Variants in ESRRB observed in about 807,000 individuals in gnomAD.
ESRRB encodes steroid hormone receptor ERR2.
ESRRB carries 16 observed loss-of-function variants against 46.0 expected under a neutral mutation model. The ratio of observed to expected loss-of-function variants is 0.35; its 90% confidence interval spans 0.24 to 0.53. The LOEUF is 0.53. Ranked by LOEUF, ESRRB falls within the 20% of genes least tolerant of loss-of-function variation. The pLI is 0.93. For missense variants in ESRRB, 488 were observed against 607.4 expected, an observed-to-expected ratio of 0.80 and a Z score of 2.07; for synonymous variants, 246 against 259.6, an observed-to-expected ratio of 0.95 and a Z score of 0.50.
intron 1 of ESRRB, among the ~76,000 whole-genome samples, chr14:76,383,428 T>C (rs1453503872): frequency 6.6e-6 from 1 of 152,168 alleles, no homozygotes. Context: ...CCTTTTGATG[T>C]GTTCTTGGTT....
intron 1 of ESRRB, among the ~76,000 whole-genome samples, chr14:76,429,207 G>A (rs970180971): frequency 6.6e-6 from 1 of 152,092 alleles, no homozygotes; most frequent in Non-Finnish European, 1.5e-5. Flanking sequence ...ATCAGCCCCA[G>A]CCTCCCCCAA....
intron 1 of ESRRB, among the ~76,000 whole-genome samples, chr14:76,319,725 T>C (rs192645317): frequency 2.0e-5 from 3 of 152,288 alleles, no homozygotes; most frequent in African/African-American, 7.2e-5. Context: ...TACTCTTGAT[T>C]AGTAGAAACA....
chr14:76,490,802 G>C (rs980156473), intron 5 of ESRRB, among the ~76,000 whole-genome samples: 3 of 152,212 alleles, frequency 2.0e-5, no homozygotes, highest in Non-Finnish European at 2.9e-5. Context: ...GGCCCGGGAA[G>C]AGGGGCTCCG....
At chr14:76,325,242 C>T (rs1883915683) in intron 1 of ESRRB, among the ~76,000 whole-genome samples, 1 of 152,200 alleles carries the variant, frequency 6.6e-6, no homozygotes, top group Admixed American at 6.5e-5. Context: ...AGGCGTGAGC[C>T]ACTGCACCCA....
chr14:76,313,719 C>T (rs781211667), intron 1 of ESRRB, among the ~76,000 whole-genome samples: 1 of 152,104 alleles, frequency 6.6e-6, no homozygotes, highest in Non-Finnish European at 1.5e-5. Context: ...CAGCTTTTTC[C>T]CTATCACTTC....
intron 1 of ESRRB, among the ~76,000 whole-genome samples, chr14:76,326,424 T>A (rs1424534044): frequency 2.0e-5 from 3 of 152,098 alleles, no homozygotes; most frequent in Non-Finnish European, 2.9e-5. Context: ...CCCTGGCGAG[T>A]TAATCTGCCT....
intron 1 of ESRRB, among the ~76,000 whole-genome samples, chr14:76,416,508 C>T (rs1000019183): frequency 6.6e-6 from 1 of 151,756 alleles, no homozygotes; most frequent in African/African-American, 2.4e-5. Context: ...TCACTCTTGT[C>T]GCCCGGGCTA....
At chr14:76,444,395 C>T (rs1888046678) in intron 2 of ESRRB, among the ~76,000 whole-genome samples, 1 of 152,078 alleles carries the variant, frequency 6.6e-6, no homozygotes, top group Admixed American at 6.5e-5. Context: ...AAAGTACAGA[C>T]AGGAGAAAAA....
At chr14:76,477,603 C>G (rs2140022236) in intron 3 of ESRRB, among the ~76,000 whole-genome samples, 1 of 152,260 alleles carries the variant, frequency 6.6e-6, no homozygotes, top group Non-Finnish European at 1.5e-5. Context: ...GGCATGGGAC[C>G]TTCATTATCG....
chr14:76,434,838 A>G (rs1397833960), intron 1 of ESRRB, among the ~76,000 whole-genome samples: 2 of 152,146 alleles, frequency 1.3e-5, no homozygotes, highest in African/African-American at 4.8e-5. Context: ...GCTGTGAAGC[A>G]AGGAACGTGG....
Position 76,482,488 on chromosome 14 carries a change from C to G in ESRRB, c.689-110C>G, listed in dbSNP as rs1004078037. 15 of 1,121,222 alleles carry G rather than the reference C, an allele frequency of 1.3e-5. No homozygotes were observed. In the East Asian group the frequency reaches 3.3e-4, roughly 25 times the overall value. 69.5% of individuals were successfully genotyped at this position (1,121,222 alleles called of 1,614,324 possible). ...GAGGGGAGATTATAGCCGCTTTGAC[C>G]TTCCTGGAGCTCTTAGGAACCCAAC... is the stretch of plus-strand genomic sequence containing the variant. On this transcript the variant is annotated intron_variant, in intron 4 of 6. Coordinates refer to ENST00000644823, the MANE Select transcript of ESRRB (RefSeq NM_001379180.1). The surrounding 1 kb of genome is among the most constrained non-coding windows in gnomAD (Gnocchi z 4.3).
intron 3 of ESRRB, among the ~76,000 whole-genome samples, chr14:76,479,266 C>G (rs887372780): frequency 1.2e-4 from 18 of 144,858 alleles, no homozygotes; most frequent in African/African-American, 4.6e-4. Flanking sequence ...TGTGTGTGTG[C>G]TGATCTGACG....
intron 2 of ESRRB, among the ~76,000 whole-genome samples, chr14:76,446,321 A>G (rs953251369): frequency 6.6e-6 from 1 of 150,814 alleles, no homozygotes; most frequent in African/African-American, 2.4e-5. Flanking sequence ...GTTTATTCCA[A>G]CCCTGCCCAA....
chr14:76,494,405 C>T (rs140109500), intron 6 of ESRRB, among the ~76,000 whole-genome samples: 1,973 of 150,736 alleles, frequency 0.013, 52 homozygotes, highest in African/African-American at 0.045. Flanking sequence ...CTCCTGGGTT[C>T]AAGCGATTCT....
At chr14:76,378,002 A>G (rs1884848932) in intron 1 of ESRRB, among the ~76,000 whole-genome samples, 1 of 151,794 alleles carries the variant, frequency 6.6e-6, no homozygotes, top group Non-Finnish European at 1.5e-5. Context: ...CATTCCTTTT[A>G]AAGGTTAGAT....
intron 2 of ESRRB, among the ~76,000 whole-genome samples, chr14:76,455,146 G>A (rs1888552263): frequency 6.6e-6 from 1 of 152,182 alleles, no homozygotes; most frequent in Non-Finnish European, 1.5e-5. Flanking sequence ...GAACCTGGGA[G>A]GCGGAGGCTG....
chr14:76,446,584 G>C (rs1888158546), intron 2 of ESRRB, among the ~76,000 whole-genome samples: 2 of 152,092 alleles, frequency 1.3e-5, no homozygotes, highest in African/African-American at 4.8e-5. Flanking sequence ...TGGAGGCATA[G>C]AAAAAACAGA....
intron 1 of ESRRB, among the ~76,000 whole-genome samples, chr14:76,313,767 T>C (rs1430778505): frequency 1.3e-5 from 2 of 152,232 alleles, no homozygotes; most frequent in African/African-American, 4.8e-5. Context: ...TTCTTATCTC[T>C]ATTTTTACAT....
intron 1 of ESRRB, among the ~76,000 whole-genome samples, chr14:76,319,182 C>G (rs1251822145): frequency 6.6e-6 from 1 of 152,228 alleles, no homozygotes; most frequent in Non-Finnish European, 1.5e-5. Flanking sequence ...CATTCAGAAC[C>G]ACTGGAGTGT....
Sources: allele counts gnomAD v4.1 joint callset (sites outside exome capture counted in the v4.1 genomes callset), GRCh38; gene constraint gnomAD v4.1.1; non-coding constraint Gnocchi (gnomAD v3.1); transcripts MANE v1.5; gene names NCBI Gene and HGNC (gene_info 2026-07-23, HGNC 2026-07-21).